Variants in DNAI7 observed in about 807,000 individuals in gnomAD.
DNAI7 encodes the protein dynein axonemal intermediate chain 7.
Under a neutral mutation model 86.6 loss-of-function variants are expected in DNAI7, and 78 were observed. That is an observed-to-expected ratio of 0.90 (90% confidence interval 0.75 to 1.09). The LOEUF is 1.09. DNAI7 is among the 50% of genes least tolerant of loss of function. DNAI7 has a pLI of 0.00. For synonymous variants in DNAI7, 274 were observed against 273.0 expected (o/e 1.00, Z -0.04); for missense variants, 753 against 810.2 (o/e 0.93, Z 0.86).
intron 13 of DNAI7, among the ~76,000 whole-genome samples, chr12:25,113,395 G>A (rs1278161504): frequency 3.3e-5 from 5 of 151,894 alleles, no homozygotes; most frequent in Non-Finnish European, 5.9e-5. Flanking sequence ...TCCGCCTCCC[G>A]GGTTCAAGCG....
intron 2 of DNAI7, among the ~76,000 whole-genome samples, chr12:25,164,306 T>C (rs1947176056): frequency 6.6e-6 from 1 of 151,898 alleles, no homozygotes; most frequent in Non-Finnish European, 1.5e-5. Context: ...TCCGTGTCTC[T>C]ACCCCTTCTC....
intron 2 of DNAI7, among the ~76,000 whole-genome samples, chr12:25,166,257 GA>G (rs1378474767): frequency 6.6e-6 from 1 of 152,086 alleles, no homozygotes; most frequent in African/African-American, 2.4e-5. Flanking sequence ...CCTAAAACCA[GA>G]CAAGGTTTAC....
At chr12:25,130,393 CG>C (rs1942746445) in intron 9 of DNAI7, among the ~76,000 whole-genome samples, 2 of 151,844 alleles carry the variant, frequency 1.3e-5, no homozygotes, top group Admixed American at 6.6e-5. Context: ...AAAAATTAGC[CG>C]GGCGCGGGGG....
At chr12:25,111,254 G>A (rs1301048177) in intron 14 of DNAI7, among the ~76,000 whole-genome samples, 2 of 152,168 alleles carry the variant, frequency 1.3e-5, no homozygotes, top group African/African-American at 2.4e-5. Context: ...TGTTCATTAA[G>A]AAATGACCCC....
intron 8 of DNAI7, among the ~76,000 whole-genome samples, chr12:25,146,135 T>C (rs954087214): frequency 6.7e-6 from 1 of 148,760 alleles, no homozygotes; most frequent in African/African-American, 2.5e-5. Flanking sequence ...GGCAGGAGAA[T>C]CGCTTGAACA....
At chr12:25,122,681 G>T (rs1189408992) in intron 10 of DNAI7, among the ~76,000 whole-genome samples, 1 of 152,066 alleles carries the variant, frequency 6.6e-6, no homozygotes, top group Non-Finnish European at 1.5e-5. Flanking sequence ...ACTGCTATTT[G>T]CCAGGACAAG....
chr12:25,142,375 G>A (rs1353350785), intron 9 of DNAI7, among the ~76,000 whole-genome samples: 1 of 152,060 alleles, frequency 6.6e-6, no homozygotes, highest in Non-Finnish European at 1.5e-5. Flanking sequence ...AGGGATAAAA[G>A]ACTACACAAT....
chr12:25,164,831 A>C (rs960425715), intron 2 of DNAI7, among the ~76,000 whole-genome samples: 10 of 152,000 alleles, frequency 6.6e-5, no homozygotes, highest in South Asian at 2.1e-4. Flanking sequence ...GAGCTAGGTC[A>C]CAATTCTTCC....
chr12:25,181,792 A>G (rs1022532717), intron 2 of DNAI7, among the ~76,000 whole-genome samples: 3 of 152,180 alleles, frequency 2.0e-5, no homozygotes, highest in African/African-American at 7.2e-5. Context: ...ATCACTAATC[A>G]GATAAATTTC....
chr12:25,110,137 A>C lies in DNAI7; in HGVS notation c.1883T>G (p.Val628Gly). 1 of 1,575,878 alleles carries C rather than the reference A, an allele frequency of 6.3e-7. No homozygotes were observed. The highest frequency in any genetic ancestry group is 8.7e-7 in the Non-Finnish European group (1 of 1,145,720). Residue 628 changes from valine to glycine, a missense_variant, in exon 15 of 16, where the codon GTC becomes GGC. By Grantham distance (109) the Val-to-Gly change is moderately radical (BLOSUM62 -3). Coordinates refer to ENST00000395987, the MANE Select transcript of DNAI7 (RefSeq NM_018272.5). ...TTCTACATATCATACCTTAAATACG[A>C]CTTTTGTAGAATTACATAGTAGGTT... Reference protein sequence around the residue: ...KWNLLCNSTKVVFKVREHLTE... With the variant: ...KWNLLCNSTKGVFKVREHLTE...
At chr12:25,122,757 G>A (rs1314356655) in intron 10 of DNAI7, among the ~76,000 whole-genome samples, 1 of 152,148 alleles carries the variant, frequency 6.6e-6, no homozygotes, top group Non-Finnish European at 1.5e-5. Context: ...ATGTGTACTT[G>A]TGAAAGTTCA....
chr12:25,177,022 C>T (rs1218065890), intron 2 of DNAI7, among the ~76,000 whole-genome samples: 1 of 150,848 alleles, frequency 6.6e-6, no homozygotes, highest in Non-Finnish European at 1.5e-5. Context: ...CCTGCCTCAA[C>T]CTCCTGAGTA....
At chr12:25,127,058 G>A (rs902466257) in intron 9 of DNAI7, among the ~76,000 whole-genome samples, 9 of 151,762 alleles carry the variant, frequency 5.9e-5, no homozygotes, top group African/African-American at 2.2e-4. Context: ...CTTTACATAA[G>A]TCAATTTTTA....
At position 25,154,297 on chromosome 12, in the gene DNAI7, A is replaced by T. The variant is rs763178993; in HGVS notation, c.438+22T>A. On this transcript the variant is annotated intron_variant, in intron 6 of 15. Coordinates refer to ENST00000395987, the MANE Select transcript of DNAI7 (RefSeq NM_018272.5). ...AGACTATTTGTAATAGCCAGTTTATAGGAAAATGCATAAATACCTACATTT... is the reference window on the plus strand; with the variant it reads ...AGACTATTTGTAATAGCCAGTTTATTGGAAAATGCATAAATACCTACATTT... 5.1e-6 allele frequency: 8 copies of T among 1,569,982 alleles called. No individual in the cohort carries two copies. The African/African-American group carries it at 1.1e-4, about 22-fold the overall frequency.
rs188017857 is a variant in DNAI7, at chr12:25,167,207, A to T, written c.22-6010T>A. ...ACAAGCCACCAGCCCACCTCTTAGA[A>T]CCTCTCATTTCCTTTCCATTGTGGA... is the stretch of plus-strand genomic sequence containing the variant. On this transcript the variant is annotated intron_variant, in intron 2 of 15. Transcript: ENST00000395987. Among the ~76,000 whole-genome samples the T allele has an allele frequency of 2.1e-3, 327 of 152,184 alleles. 5 individuals carry two copies. Among genetic ancestry groups the T allele is most frequent in the South Asian group, 0.015 (72 of 4,820 alleles).
chr12:25,115,327 C>A (rs1322462666), intron 12 of DNAI7, among the ~76,000 whole-genome samples: 1 of 152,146 alleles, frequency 6.6e-6, no homozygotes, highest in Non-Finnish European at 1.5e-5. Context: ...TTAATTTACC[C>A]AGTTGTGCAA....
In DNAI7 at chr12:25,158,222, C is replaced by T. The variant is rs542519015; in HGVS notation, c.198+250G>A. Among the ~76,000 whole-genome samples, 142 of 151,826 alleles carry T rather than the reference C, an allele frequency of 9.4e-4. 2 individuals are homozygous for T. The Middle Eastern group carries it at 0.01, about 11-fold the overall frequency. On this transcript the variant is annotated intron_variant, in intron 4 of 15. Transcript: ENST00000395987. ...CCAGCCTGGGCAACAGAGCGAGACT[C>T]CATCTCAAGAAAAAAAAAAAAGAAG...
intron 8 of DNAI7, among the ~76,000 whole-genome samples, chr12:25,145,949 G>A (rs891054792): frequency 2.0e-5 from 3 of 152,170 alleles, no homozygotes; most frequent in Admixed American, 6.5e-5. Context: ...TTTGCCGGGC[G>A]CAGTGGCTCA....
intron 12 of DNAI7, 59 bp from the exon 13 acceptor site, chr12:25,114,929 A>C: frequency 7.6e-7 from 1 of 1,321,216 alleles, no homozygotes; most frequent in Non-Finnish European, 1.1e-6. Context: ...AAAAAAAGAT[A>C]AATGAAAGCA....
Sources: allele counts gnomAD v4.1 joint callset (sites outside exome capture counted in the v4.1 genomes callset), GRCh38; gene constraint gnomAD v4.1.1; transcripts MANE v1.5; gene names NCBI Gene and HGNC (gene_info 2026-07-23, HGNC 2026-07-21).